The following PCDH15 variants were observed in gnomAD, a reference collection of about 807,000 sequenced individuals.
The protein encoded by PCDH15 is protocadherin related 15.
Under a neutral mutation model 178.5 loss-of-function variants are expected in PCDH15, and 129 were observed. The observed-to-expected ratio is 0.72, with a 90% CI of 0.63 to 0.84. The LOEUF (loss-of-function observed/expected upper bound fraction) is 0.84. PCDH15 is among the 40% of genes least tolerant of loss of function. The pLI is 0.00. For synonymous variants in PCDH15, 800 were observed against 732.0 expected (o/e 1.09, Z -1.50); for missense variants, 2,230 against 2,099.9 (o/e 1.06, Z -1.21).
intron 2 of PCDH15, among the ~76,000 whole-genome samples, chr10:55,499,672 T>G (rs1840612404): frequency 6.6e-6 from 1 of 151,480 alleles, no homozygotes; most frequent in Non-Finnish European, 1.5e-5. Context: ...GAAAGTAGCC[T>G]AAAAAAAATT....
chr10:53,947,978 T>C (rs2086713486), intron 23 of PCDH15, among the ~76,000 whole-genome samples: 1 of 152,218 alleles, frequency 6.6e-6, no homozygotes, highest in Non-Finnish European at 1.5e-5. Flanking sequence ...TCATAGTCAT[T>C]GGCTCTTAAA....
At chr10:55,244,157 T>C (rs1037118622) in intron 1 of PCDH15, among the ~76,000 whole-genome samples, 2 of 152,072 alleles carry the variant, frequency 1.3e-5, no homozygotes, top group Non-Finnish European at 2.9e-5. Context: ...CACAATCTCA[T>C]AGTTCGAAAT....
chr10:54,924,755 T>G (rs1262664701), intron 2 of PCDH15, among the ~76,000 whole-genome samples: 1 of 152,178 alleles, frequency 6.6e-6, no homozygotes, highest in Non-Finnish European at 1.5e-5. Context: ...TTTTAAAAAG[T>G]GTCTGTTCAT....
intron 2 of PCDH15, chr10:54,600,474 A>C (rs1298973865): frequency 2.1e-5 from 12 of 577,624 alleles, no homozygotes; most frequent in Middle Eastern, 3.5e-4. Flanking sequence ...GGGATGATAA[A>C]AATGAAGATA....
intron 2 of PCDH15, chr10:54,600,336 T>C: frequency 1.9e-6 from 1 of 538,796 alleles, no homozygotes; most frequent in Non-Finnish European, 3.6e-6. Flanking sequence ...AAGACATAGC[T>C]GTCAATGGAG....
At chr10:55,600,701 A>G (rs1490692387) in intron 2 of PCDH15, among the ~76,000 whole-genome samples, 1 of 152,036 alleles carries the variant, frequency 6.6e-6, no homozygotes, top group Non-Finnish European at 1.5e-5. Flanking sequence ...GTATGAAAGG[A>G]TATGAGAAAC....
At chr10:54,097,775 G>A (rs536576449) in intron 15 of PCDH15, among the ~76,000 whole-genome samples, 98 of 152,204 alleles carry the variant, frequency 6.4e-4, no homozygotes, top group African/African-American at 2.3e-3. Context: ...TTGGAAAAAT[G>A]AAAAAGGAAG....
At chr10:54,008,451 G>T (rs4935488) in intron 20 of PCDH15, among the ~76,000 whole-genome samples, 9 of 151,876 alleles carry the variant, frequency 5.9e-5, no homozygotes, top group Admixed American at 2.0e-4. Context: ...AGAGGTATGA[G>T]GCCCAGATAC....
At chr10:55,493,194 C>T (rs1168969945) in intron 2 of PCDH15, among the ~76,000 whole-genome samples, 1 of 150,838 alleles carries the variant, frequency 6.6e-6, no homozygotes. Context: ...CCAAGAAGCA[C>T]AATGAACACT....
At chr10:53,926,610 C>A (rs557911890) in intron 25 of PCDH15, among the ~76,000 whole-genome samples, 10 of 152,146 alleles carry the variant, frequency 6.6e-5, no homozygotes, top group Non-Finnish European at 1.0e-4. Context: ...CAACCAATTG[C>A]CAATTAGAAG....
chr10:54,244,412 T>C (rs1275951314), intron 8 of PCDH15, among the ~76,000 whole-genome samples: 1 of 152,178 alleles, frequency 6.6e-6, no homozygotes, highest in African/African-American at 2.4e-5. Flanking sequence ...ATAAAAACCT[T>C]GGCTGGTGGT....
At chr10:55,588,633 G>T (rs2132128568) in intron 2 of PCDH15, among the ~76,000 whole-genome samples, 2 of 151,240 alleles carry the variant, frequency 1.3e-5, no homozygotes, top group East Asian at 3.9e-4. Flanking sequence ...AGAGAAAAAA[G>T]AATAAAACCT....
intron 21 of PCDH15, among the ~76,000 whole-genome samples, chr10:53,981,342 T>G (rs2134615506): frequency 6.6e-6 from 1 of 152,344 alleles, no homozygotes; most frequent in East Asian, 1.9e-4. Flanking sequence ...GGTAATTGCA[T>G]ACCTGTATGA....
At chr10:54,071,390 T>C (rs1175616879) in intron 17 of PCDH15, among the ~76,000 whole-genome samples, 2 of 152,192 alleles carry the variant, frequency 1.3e-5, no homozygotes, top group South Asian at 4.1e-4. Context: ...TGTGTAATAC[T>C]ACGAATTTAA....
chr10:54,325,837 A>G (rs1035497610), intron 7 of PCDH15, among the ~76,000 whole-genome samples: 1 of 152,064 alleles, frequency 6.6e-6, no homozygotes, highest in African/African-American at 2.4e-5. Context: ...TAAACCCCGT[A>G]GGCGGAGGTT....
chr10:54,966,516 G>T (rs1039505758), intron 2 of PCDH15, among the ~76,000 whole-genome samples: 2 of 152,056 alleles, frequency 1.3e-5, no homozygotes, highest in Non-Finnish European at 2.9e-5. Flanking sequence ...TTACTCTACT[G>T]AATACTATAG....
chr10:54,898,741 C>A lies in PCDH15; in HGVS notation c.-79-1241G>T, dbSNP rs77966023. The stretch of plus-strand genomic sequence containing the variant: ...AAATGTAGTCCCAAGGAAAACAGTA[C>A]AAGAAACATTTTGAATCCTGAATAT... On this transcript the variant is annotated intron_variant, in intron 2 of 5. Coordinates refer to the PCDH15 transcript ENST00000458638. 2.2e-3 allele frequency among the ~76,000 whole-genome samples: 334 copies of A among 152,154 alleles called. 2 individuals are homozygous for A. The East Asian group carries it at 0.022, about 10-fold the overall frequency.
intron 2 of PCDH15, among the ~76,000 whole-genome samples, chr10:55,616,858 A>G (rs193101204): frequency 2.0e-4 from 30 of 152,270 alleles, no homozygotes; most frequent in African/African-American, 7.0e-4. Context: ...TGTTGCCTAG[A>G]TAACTAGTAA....
intron 1 of PCDH15, among the ~76,000 whole-genome samples, chr10:55,282,293 G>A (rs969261087): frequency 2.6e-5 from 4 of 152,072 alleles, no homozygotes; most frequent in African/African-American, 9.7e-5. Flanking sequence ...TGCAGTACCT[G>A]CTCTGCCTTC....
Sources: gnomAD v4.1 joint callset for allele counts (sites outside exome capture counted in the v4.1 genomes callset) on GRCh38, gnomAD v4.1.1 for gene constraint, MANE v1.5 for transcripts, NCBI Gene and HGNC (gene_info 2026-07-23, HGNC 2026-07-21) for gene names.